Variants in MARK1 observed in about 807,000 individuals in gnomAD.
The protein encoded by MARK1 is serine/threonine-protein kinase MARK1.
A neutral mutation model predicts 96.3 loss-of-function variants in MARK1; 40 were observed. That is an observed-to-expected ratio of 0.42 (90% CI 0.32 to 0.54). The LOEUF (loss-of-function observed/expected upper bound fraction) is 0.54, where lower values mean the gene tolerates loss of function less well. Ranked by LOEUF, MARK1 falls within the 20% of genes least tolerant of loss-of-function variation. The pLI, the probability that MARK1 is intolerant of heterozygous loss-of-function variation, is 0.16. For synonymous variants in MARK1, 317 were observed against 341.2 expected, an observed-to-expected ratio of 0.93 and a Z score of 0.78; for missense variants, 719 against 984.6, an observed-to-expected ratio of 0.73 and a Z score of 3.61.
rs1388826210 is a variant in MARK1, at chr1:220,653,103, C to T, written c.1739C>T (p.Thr580Ile). The T allele has an allele frequency of 2.4e-5, 38 of 1,614,012 alleles. No individual in the cohort carries two copies. The highest frequency in any genetic ancestry group is 3.1e-5 in the Non-Finnish European group (37 of 1,180,006). The part of the protein sequence containing the change: ...KDGSEAYRPG[T>I]TQRVPAASPS... ...TATATCTTAATTTGTCCCAGCAGTACAACCCAGAGAGTGCCTGCTGCTTCC... is the reference window on the plus strand; with the variant it reads ...TATATCTTAATTTGTCCCAGCAGTATAACCCAGAGAGTGCCTGCTGCTTCC... Residue 580 changes from threonine to isoleucine, a missense_variant and splice_region_variant, in exon 16 of 18, where the codon ACA (threonine) becomes ATA (isoleucine). By Grantham distance (89) the Thr-to-Ile change is moderately conservative. Around this residue, in one of 4 missense-constraint regions of MARK1, gnomAD observed 501 missense variants for 588.3 expected, o/e 0.85. Transcript: ENST00000366917.
chr1:220,568,220 ACAAT>A (rs1181654781), intron 1 of MARK1, among the ~76,000 whole-genome samples: 1 of 152,172 alleles, frequency 6.6e-6, no homozygotes, highest in Non-Finnish European at 1.5e-5. Context: ...ACACTAATAA[ACAAT>A]CAATCAGTAA....
Position 220,547,629 on chromosome 1 carries a change from A to T in MARK1, c.51+18756A>T, listed in dbSNP as rs145388474. On this transcript the variant is annotated intron_variant, in intron 1 of 17. Transcript: ENST00000366917. The stretch of plus-strand genomic sequence containing the variant: ...ACCCAGGCTGGAGTGCAGTGGTGCG[A>T]TCTCAGCTCACTGCAAGCTCCACCT... 7.5e-3 allele frequency among the ~76,000 whole-genome samples: 1,138 copies of T among 151,902 alleles called. 4 individuals carry two copies. The highest frequency in any genetic ancestry group is 0.011 in the Non-Finnish European group (739 of 67,966).
In MARK1 at chr1:220,528,324, G is replaced by A. The variant is rs1251040049; in HGVS notation, c.-499G>A. 1 of 151,964 alleles carries A rather than the reference G, an allele frequency of 6.6e-6. No individual in the cohort carries two copies. Among genetic ancestry groups the A allele is most frequent in the East Asian group, 1.9e-4 (1 of 5,168 alleles). The allele number at this position is 151,964 out of a possible 1,614,324, so 9.4% of individuals were successfully genotyped here. On this transcript the variant is annotated 5_prime_UTR_variant, in exon 1 of 18. It removes an upstream start codon present in the reference 5' UTR. Transcript: ENST00000366917. Reference sequence around the variant, plus strand: ...GCCGCTGGGCCCCGGGCGCGTGGATGCGGCTGGGTCGGGCGGCGCCGTACA... The same window carrying A: ...GCCGCTGGGCCCCGGGCGCGTGGATACGGCTGGGTCGGGCGGCGCCGTACA...
At chr1:220,648,577 C>G (rs1182328551) in intron 13 of MARK1, among the ~76,000 whole-genome samples, 1 of 152,114 alleles carries the variant, frequency 6.6e-6, no homozygotes, top group Non-Finnish European at 1.5e-5. Context: ...TTCAGAGGCA[C>G]AGCTTGGAAG....
chr1:220,562,774 A>G (rs890726289), intron 1 of MARK1, among the ~76,000 whole-genome samples: 4 of 152,368 alleles, frequency 2.6e-5, no homozygotes, highest in Non-Finnish European at 5.9e-5. Flanking sequence ...TATACTTTAA[A>G]GCATCTTTAG....
chr1:220,644,964 T>C (rs113454651), intron 13 of MARK1, among the ~76,000 whole-genome samples: 5 of 151,940 alleles, frequency 3.3e-5, no homozygotes, highest in African/African-American at 1.2e-4. Context: ...AAATACCACA[T>C]CAAAAAGCTA....
chr1:220,545,712 T>G (rs987983315), intron 1 of MARK1, among the ~76,000 whole-genome samples: 5 of 152,074 alleles, frequency 3.3e-5, no homozygotes, highest in Non-Finnish European at 7.4e-5. Context: ...ATTGCTGAAA[T>G]TACAGGCATG....
chr1:220,639,424 C>A (rs565500562), intron 13 of MARK1, among the ~76,000 whole-genome samples: 4 of 152,152 alleles, frequency 2.6e-5, no homozygotes, highest in Middle Eastern at 3.4e-3. Flanking sequence ...ACATCAAGAT[C>A]TTTTTAATAG....
intron 3 of MARK1, among the ~76,000 whole-genome samples, chr1:220,586,384 A>G (rs139432171): frequency 1.1e-3 from 172 of 152,022 alleles, no homozygotes; most frequent in African/African-American, 3.9e-3. Context: ...CATTCCTCCC[A>G]TTTCAGCCTA....
chr1:220,568,636 C>T (rs1663225685), intron 1 of MARK1, among the ~76,000 whole-genome samples: 1 of 152,076 alleles, frequency 6.6e-6, no homozygotes, highest in South Asian at 2.1e-4. Flanking sequence ...TCCCTATACT[C>T]CCGTTTCCCA....
At chr1:220,539,082 T>C (rs1168197684) in intron 1 of MARK1, among the ~76,000 whole-genome samples, 8 of 148,384 alleles carry the variant, frequency 5.4e-5, no homozygotes, top group African/African-American at 1.5e-4. Flanking sequence ...CCTAATTGCC[T>C]TGGCCAGAAC....
chr1:220,545,156 G>T (rs1484250766), intron 1 of MARK1, among the ~76,000 whole-genome samples: 1 of 152,198 alleles, frequency 6.6e-6, no homozygotes, highest in East Asian at 1.9e-4. Context: ...GTGGGAAGAC[G>T]AGGGCATTCG....
At chr1:220,634,587 A>G (rs1256611373) in intron 11 of MARK1, among the ~76,000 whole-genome samples, 1 of 152,214 alleles carries the variant, frequency 6.6e-6, no homozygotes, top group Non-Finnish European at 1.5e-5. Context: ...AACTTGAAAC[A>G]GTTTCTAGTG....
intron 1 of MARK1, among the ~76,000 whole-genome samples, chr1:220,562,020 G>A (rs1470221547): frequency 6.6e-6 from 1 of 152,172 alleles, no homozygotes; most frequent in Non-Finnish European, 1.5e-5. Flanking sequence ...TAATATATGT[G>A]TATGCATTTG....
intron 1 of MARK1, among the ~76,000 whole-genome samples, chr1:220,541,601 T>C (rs1386207816): frequency 1.3e-5 from 2 of 152,232 alleles, no homozygotes; most frequent in East Asian, 3.8e-4. Flanking sequence ...GGTACATATG[T>C]ATTTATAATT....
intron 3 of MARK1, among the ~76,000 whole-genome samples, chr1:220,597,896 G>A (rs1262660802): frequency 6.6e-6 from 1 of 152,054 alleles, no homozygotes; most frequent in Non-Finnish European, 1.5e-5. Context: ...TCATTAAAAT[G>A]TCTGATCAGT....
At chr1:220,580,182 T>TA (rs902284525) in intron 2 of MARK1, among the ~76,000 whole-genome samples, 7 of 151,426 alleles carry the variant, frequency 4.6e-5, no homozygotes, top group Admixed American at 1.3e-4. Context: ...TAGGACATTA[T>TA]AAAAAAAAAT....
chr1:220,620,622 T>C (rs1294714591), intron 9 of MARK1, among the ~76,000 whole-genome samples: 1 of 152,166 alleles, frequency 6.6e-6, no homozygotes, highest in Non-Finnish European at 1.5e-5. Context: ...TTTAGTCTTT[T>C]ATCATTATTA....
At chr1:220,631,182 A>T in intron 10 of MARK1, 48 bp downstream of exon 10, 1 of 1,303,666 alleles carries the variant, frequency 7.7e-7, no homozygotes, top group Non-Finnish European at 1.1e-6. Context: ...GCAACAAGTA[A>T]GAGTCCTTTA....
Sources: allele counts gnomAD v4.1 joint callset (sites outside exome capture counted in the v4.1 genomes callset), GRCh38; gene constraint gnomAD v4.1.1; regional missense constraint gnomAD v4.1.1; transcripts MANE v1.5; gene names NCBI Gene and HGNC (gene_info 2026-07-23, HGNC 2026-07-21).